MAPK3: variants seen among roughly 807,000 people sequenced by gnomAD.
The protein encoded by MAPK3 is MAPK 1.
A neutral mutation model predicts 41.8 loss-of-function variants in MAPK3; 30 were observed. The observed-to-expected ratio is 0.72, with a 90% CI of 0.54 to 0.97. The LOEUF (loss-of-function observed/expected upper bound fraction) is 0.97, where lower values mean the gene tolerates loss of function less well. Ranked by LOEUF, MAPK3 falls within the 50% of genes least tolerant of loss-of-function variation. MAPK3 has a pLI of 0.00. For missense variants in MAPK3, 413 were observed against 509.9 expected (o/e 0.81, Z 1.83); for synonymous variants, 222 against 213.4 (o/e 1.04, Z -0.35).
chr16:30,116,822 T>G lies in MAPK3; in HGVS notation c.1018-32A>C, dbSNP rs199929108. The G allele has an allele frequency of 3.3e-5, 54 of 1,613,558 alleles. 1 individual carries two copies. The Middle Eastern group carries it at 1.3e-3, about 39-fold the overall frequency. On this transcript the variant is annotated intron_variant, in intron 7 of 8. Transcript: ENST00000263025. ...TGGTAGAGACAGCAAGGCTCAGGCC[T>G]GGCATGGGGGATGCCTACGTGCCCC... is the stretch of plus-strand genomic sequence containing the variant.
At chr16:30,122,049 G>C (rs762308393) in intron 1 of MAPK3, 43 bp from the exon 2 acceptor site, 3 of 1,605,300 alleles carry the variant, frequency 1.9e-6, no homozygotes, top group Admixed American at 1.7e-5. Flanking sequence ...CCTTACAAAG[G>C]GGGAGTCCGG....
intron 4 of MAPK3, 124 bp downstream of exon 4, chr16:30,117,923 T>TGA: frequency 9.0e-7 from 1 of 1,110,316 alleles, no homozygotes; most frequent in Non-Finnish European, 1.3e-6. Flanking sequence ...TCAGCTTCCT[T>TGA]GCAGAGCCCA....
At position 30,118,505 on chromosome 16, in the gene MAPK3, C is replaced by T; in HGVS notation, c.387G>A (p.Leu129=). ...YIVQDLMETD[L]YKLLKSQQLS... is the part of the protein sequence containing the mutation. ...GCTGCTGGCTTTTCAGCAACTTGTA[C>T]AGGTCAGTCTCCATCAGGTCCTGCA... The change falls in exon 3 of 9, where the codon CTG becomes CTA. Residue 129 remains leucine (L), a synonymous_variant. Transcript: ENST00000263025. 1.2e-6 allele frequency: 2 copies of T among 1,613,824 alleles called. No individual in the cohort carries two copies. Among genetic ancestry groups the T allele is most frequent in the South Asian group, 2.2e-5 (2 of 91,078 alleles).
At chr16:30,115,500 G>T in intron 8 of MAPK3, 1 of 152,950 alleles carries the variant, frequency 6.5e-6, no homozygotes. Context: ...CTGGCAATCT[G>T]GGTCAGGCTG....
intron 2 of MAPK3, among the ~76,000 whole-genome samples, chr16:30,121,319 C>T (rs2073013007): frequency 6.6e-6 from 1 of 152,106 alleles, no homozygotes; most frequent in African/African-American, 2.4e-5. Context: ...CCATGTTGGC[C>T]AGGCTGGTCT....
Position 30,117,017 on chromosome 16 carries a change from G to A in MAPK3, c.908-14C>T, listed in dbSNP as rs201372514. On this transcript the variant is annotated splice_polypyrimidine_tract_variant and intron_variant, in intron 6 of 8. Transcript: ENST00000263025. ...GCAGGTCAAGGGCTATGGAAGGGCA[G>A]GAGTCAGGGGTCACAGGGAAGACTG... The A allele has an allele frequency of 6.3e-6, 10 of 1,594,592 alleles. No individual in the cohort carries two copies. The Middle Eastern group carries it at 6.7e-4, about 106-fold the overall frequency.
In MAPK3 at chr16:30,116,762, G is replaced by A. The variant is rs774610689; in HGVS notation, c.1046C>T (p.Ala349Val). Reference sequence around the variant, plus strand: ...CTTAGGTAGGTCATCCAGCTCCATGGCGAAGGTGAAGGGCTCCTCGGCCAC... The same window carrying A: ...CTTAGGTAGGTCATCCAGCTCCATGACGAAGGTGAAGGGCTCCTCGGCCAC... ...EPVAEEPFTF[A>V]MELDDLPKER... The change falls in exon 8 of 9, where the codon GCC becomes GTC. Residue 349 changes from alanine (A) to valine (V), a missense_variant. This residue lies in a region of MAPK3 where 123 missense variants were observed against 147.8 expected (regional missense o/e 0.83). Coordinates refer to ENST00000263025, the MANE Select transcript of MAPK3 (RefSeq NM_002746.3). The A allele has an allele frequency of 1.9e-6, 3 of 1,613,908 alleles. No individual in the cohort carries two copies. The highest frequency in any genetic ancestry group is 2.2e-5 in the East Asian group (1 of 44,848).
At position 30,116,942 on chromosome 16, in the gene MAPK3, T is replaced by G. The variant is rs896753662; in HGVS notation, c.969A>C (p.Glu323Asp). Residue 323 changes from glutamate (E) to aspartate (D), a missense_variant, in exon 7 of 9, where the codon GAA (glutamate) becomes GAC (aspartate). By Grantham distance (45) the Glu-to-Asp change is conservative. Around this residue, in one of 4 missense-constraint regions of MAPK3, gnomAD observed 123 missense variants for 147.8 expected, o/e 0.83. Coordinates refer to ENST00000263025, the MANE Select transcript of MAPK3 (RefSeq NM_002746.3). ...GCTCCAGGTAGGGGTGAGCCAGCGC[T>G]TCCTCCACTGTGATCCGTTTATTGG... is the stretch of plus-strand genomic sequence containing the variant. ...FNPNKRITVE[E>D]ALAHPYLEQY... 6 of 1,613,754 alleles carry G rather than the reference T, an allele frequency of 3.7e-6. No homozygotes were observed. Among genetic ancestry groups the G allele is most frequent in the Non-Finnish European group, 5.1e-6 (6 of 1,179,844 alleles).
At chr16:30,115,379 C>T (rs1312791957) in intron 8 of MAPK3, among the ~76,000 whole-genome samples, 2 of 152,192 alleles carry the variant, frequency 1.3e-5, no homozygotes, top group Non-Finnish European at 2.9e-5. Context: ...CCACACCTGG[C>T]TGAAGACAGG....
chr16:30,116,511 T>C (rs1446367123), intron 8 of MAPK3, 125 bp downstream of exon 8: 7 of 1,097,700 alleles, frequency 6.4e-6, no homozygotes, highest in Middle Eastern at 3.1e-4. Context: ...ACCAGACACA[T>C]TGACCATGGG....
At chr16:30,117,879 C>T (rs1191318334) in intron 4 of MAPK3, 95 bp from the exon 5 acceptor site, 4 of 1,148,290 alleles carry the variant, frequency 3.5e-6, no homozygotes, top group Non-Finnish European at 5.2e-6. Context: ...GATCCAACAC[C>T]AGGCAGAAGG....
intron 2 of MAPK3, among the ~76,000 whole-genome samples, chr16:30,120,026 G>A (rs7199920): frequency 3.3e-5 from 5 of 152,104 alleles, no homozygotes; most frequent in South Asian, 2.1e-4. Flanking sequence ...AAAATTAGCC[G>A]GGCGTGGTGG....
chr16:30,122,017 C>G lies in MAPK3; in HGVS notation c.171-11G>C. The G allele has an allele frequency of 6.2e-7, 1 of 1,613,650 alleles. No individual in the cohort carries two copies. The highest frequency in any genetic ancestry group is 8.5e-7 in the Non-Finnish European group (1 of 1,179,974). ...TGGTCATAGGCCGAGCTGAGGGGAC[C>G]GGAGAGAGGCTGCTGCTGTGGCCTT... On this transcript the variant is annotated splice_polypyrimidine_tract_variant and intron_variant, in intron 1 of 8. Transcript: ENST00000263025.
Position 30,118,142 on chromosome 16 carries a change from G to C in MAPK3, c.565C>G (p.Arg189Gly), listed in dbSNP as rs780719391. ...DLKICDFGLA[R>G]IADPEHDHTG... ...TGGTCATGCTCAGGATCGGCAATCC[G>C]GGCCAGGCCGAAATCACAAATCTGG... The change falls in exon 4 of 9, where the codon CGG (arginine) becomes GGG (glycine). Residue 189 changes from arginine to glycine, a missense_variant. Arg to Gly is a moderately radical substitution (Grantham distance 125, BLOSUM62 -2). Coordinates refer to ENST00000263025, the MANE Select transcript of MAPK3 (RefSeq NM_002746.3). 1 of 1,613,940 alleles carries C rather than the reference G, an allele frequency of 6.2e-7. No homozygotes were observed. Among genetic ancestry groups the C allele is most frequent in the Admixed American group, 1.7e-5 (1 of 60,022 alleles).
chr16:30,119,674 T>C (rs2072996560), intron 2 of MAPK3, among the ~76,000 whole-genome samples: 1 of 152,094 alleles, frequency 6.6e-6, no homozygotes, highest in South Asian at 2.1e-4. Context: ...ATGGGAATGG[T>C]TTGTGCAAGA....
intron 2 of MAPK3, among the ~76,000 whole-genome samples, chr16:30,121,313 G>A (rs531169568): frequency 6.6e-6 from 1 of 152,144 alleles, no homozygotes; most frequent in African/African-American, 2.4e-5. Flanking sequence ...GTTTAACCAT[G>A]TTGGCCAGGC....
Position 30,118,353 on chromosome 16 carries a change from AG to A in MAPK3, c.538del (p.Lys181ArgfsTer21). ...SNLLINTTCDLKICDFGLARI... is the reference protein window; with the variant it reads ...SNLLINTTCDXKICDFGLARI... ...ACAGGTGCCCAACCCTCTGACCTTA[AG>A]GTCGCAGGTGGTGTTGATGAGCAGG... On this transcript the variant is annotated frameshift_variant, in exon 3 of 9. Coordinates refer to ENST00000263025, the MANE Select transcript of MAPK3 (RefSeq NM_002746.3). LOFTEE classifies it high-confidence loss of function. The A allele has an allele frequency of 1.9e-6, 3 of 1,610,308 alleles. No individual in the cohort carries two copies. The South Asian group carries it at 3.3e-5, about 18-fold the overall frequency.
At chr16:30,120,682 C>CT (rs34799400) in intron 2 of MAPK3, among the ~76,000 whole-genome samples, 2,580 of 113,140 alleles carry the variant, frequency 0.023, 55 homozygotes, top group African/African-American at 0.056. Context: ...GCTTCCTCAT[C>CT]TTTTTTTTTT....
In MAPK3 at chr16:30,117,793, G is replaced by T; in HGVS notation, c.661-9C>A. The T allele has an allele frequency of 6.2e-7, 1 of 1,604,690 alleles. No homozygotes were observed. Among genetic ancestry groups the T allele is most frequent in the Non-Finnish European group, 8.5e-7 (1 of 1,171,460 alleles). ...ATGGACTTGGTATAGCCCTGGGGGA[G>T]AGGAGGAAGTGGTGAGCTCCTGGGC... On this transcript the variant is annotated splice_polypyrimidine_tract_variant and intron_variant, in intron 4 of 8. Coordinates refer to ENST00000263025, the MANE Select transcript of MAPK3 (RefSeq NM_002746.3).
Sources: allele counts gnomAD v4.1 joint callset (sites outside exome capture counted in the v4.1 genomes callset), GRCh38; gene constraint gnomAD v4.1.1; regional missense constraint gnomAD v4.1.1; transcripts MANE v1.5; gene names NCBI Gene and HGNC (gene_info 2026-07-23, HGNC 2026-07-21).